Variants in COA8 observed in about 807,000 individuals in gnomAD.
COA8 encodes UPF0671 protein C14orf153.
A neutral mutation model predicts 22.0 loss-of-function variants in COA8; 20 were observed. The observed-to-expected ratio is 0.91, with a 90% CI of 0.64 to 1.32. The LOEUF is 1.32. Among genes scored for constraint, COA8 ranks in the 40% most tolerant of loss-of-function variants. The probability of loss-of-function intolerance (pLI) is 0.00; values close to 1 mark genes in which losing one functional copy is unlikely to be tolerated. For synonymous variants in COA8, 105 were observed against 79.9 expected (o/e 1.31, Z -1.68); for missense variants, 266 against 230.0 (o/e 1.16, Z -1.01).
intron 3 of COA8, 22 bp downstream of exon 3, chr14:103,574,192 T>A (rs1272896956): frequency 6.2e-7 from 1 of 1,610,548 alleles, no homozygotes. Flanking sequence ...TGTTTGATTG[T>A]TTTTTTTGCT....
chr14:103,564,111 C>T (rs533472389), intron 1 of COA8, among the ~76,000 whole-genome samples: 5 of 152,106 alleles, frequency 3.3e-5, no homozygotes, highest in African/African-American at 7.2e-5. Context: ...CGAGATCGCG[C>T]CACTGCACTC....
At chr14:103,575,578 GA>G (rs1483700611) in intron 3 of COA8, among the ~76,000 whole-genome samples, 1 of 152,232 alleles carries the variant, frequency 6.6e-6, no homozygotes, top group Admixed American at 6.5e-5. Flanking sequence ...AGAGCCAAGA[GA>G]AGGGGAGCTT....
rs550197521 is a variant in COA8, at chr14:103,576,758, C to T, written c.385+2588C>T. On this transcript the variant is annotated intron_variant, in intron 3 of 4. Transcript: ENST00000409074. The stretch of plus-strand genomic sequence containing the variant: ...AGGAGGCTGCCTTTCCTCAGGCTGG[C>T]TCCAGCCCGGTTGGGAGGTGCCCGG... Among the ~76,000 whole-genome samples the T allele has an allele frequency of 3.3e-5, 5 of 152,352 alleles. No homozygotes were observed. In the South Asian group the frequency reaches 1.0e-3, roughly 32 times the overall value.
chr14:103,563,969 A>G (rs559249011), intron 1 of COA8, among the ~76,000 whole-genome samples: 1 of 152,326 alleles, frequency 6.6e-6, no homozygotes, highest in South Asian at 2.1e-4. Context: ...CATCCTGCCC[A>G]ACATGGTGAA....
intron 3 of COA8, among the ~76,000 whole-genome samples, chr14:103,579,687 G>T (rs146744307): frequency 0.026 from 3,921 of 150,338 alleles, 121 homozygotes; most frequent in African/African-American, 0.07. Context: ...TAACGGCCGG[G>T]CACGGTGGCT....
chr14:103,580,958 G>A (rs568321562), intron 3 of COA8, among the ~76,000 whole-genome samples: 142 of 152,020 alleles, frequency 9.3e-4, no homozygotes, highest in African/African-American at 3.2e-3. Flanking sequence ...CACCACGCCC[G>A]GCTAATTTTT....
rs2076096180 is a variant in COA8, at chr14:103,562,979, C to T, written c.-23C>T. 2 of 1,526,124 alleles carry T rather than the reference C, an allele frequency of 1.3e-6. No individual in the cohort carries two copies. The highest frequency in any genetic ancestry group is 1.8e-6 in the Non-Finnish European group (2 of 1,142,462). The allele number at this position is 1,526,124 out of a possible 1,614,324, so 94.5% of individuals were successfully genotyped here. On this transcript the variant is annotated 5_prime_UTR_variant, in exon 1 of 5. Coordinates refer to ENST00000409074, the MANE Select transcript of COA8 (RefSeq NM_001370595.2). ...GCCGTCGCAATGCTGCCGTGCGCCG[C>T]GGGAGCCAGGGGGCGTGGGGCCATG...
chr14:103,563,034 T>C lies in COA8; in HGVS notation c.33T>C (p.Phe11=). The C allele has an allele frequency of 6.5e-7, 1 of 1,546,890 alleles. No homozygotes were observed. The highest frequency in any genetic ancestry group is 8.7e-7 in the Non-Finnish European group (1 of 1,152,162). MVVLRAGKKT[F]LPPLCRAFAC... is the part of the protein sequence containing the mutation. ...TCTTGCGGGCGGGGAAGAAGACCTT[T>C]CTCCCCCCTCTCTGCCGCGCCTTCG... Residue 11 remains phenylalanine, a synonymous_variant, in exon 1 of 5, where the codon TTT becomes TTC. Coordinates refer to ENST00000409074, the MANE Select transcript of COA8 (RefSeq NM_001370595.2).
At chr14:103,573,807 C>T (rs1349201523) in intron 2 of COA8, among the ~76,000 whole-genome samples, 6 of 152,198 alleles carry the variant, frequency 3.9e-5, no homozygotes, top group Non-Finnish European at 8.8e-5. Context: ...CCCACCTCGT[C>T]CTCCCAAAGT....
chr14:103,586,997 C>A (rs1221728496), intron 3 of COA8, among the ~76,000 whole-genome samples: 1 of 152,214 alleles, frequency 6.6e-6, no homozygotes, highest in South Asian at 2.1e-4. Flanking sequence ...ACCCACTGCA[C>A]CTAGCCTATT....
At chr14:103,573,699 C>T (rs183619922) in intron 2 of COA8, among the ~76,000 whole-genome samples, 1 of 152,142 alleles carries the variant, frequency 6.6e-6, no homozygotes, top group Admixed American at 6.6e-5. Context: ...ATTACAGGTG[C>T]CCACCATCAC....
chr14:103,582,692 C>G (rs2093631211), intron 3 of COA8, among the ~76,000 whole-genome samples: 1 of 150,458 alleles, frequency 6.6e-6, no homozygotes, highest in Non-Finnish European at 1.5e-5. Flanking sequence ...ATGAATTATG[C>G]TGTGACCTTT....
chr14:103,582,499 G>C lies in COA8; in HGVS notation c.386-4775G>C, dbSNP rs142885251. On this transcript the variant is annotated intron_variant, in intron 3 of 4. Transcript: ENST00000409074. ...CGCGGGGCTGGAGTAGTCAGGCCGG[G>C]ACCTGTCCCAGGAATGGGCAGGCTG... is the stretch of plus-strand genomic sequence containing the variant. Among the ~76,000 whole-genome samples, 530 of 152,292 alleles carry C rather than the reference G, an allele frequency of 3.5e-3. 4 individuals are homozygous for C. Among genetic ancestry groups the C allele is most frequent in the African/African-American group, 0.012 (505 of 41,560 alleles).
intron 3 of COA8, among the ~76,000 whole-genome samples, chr14:103,577,362 C>T (rs1281542682): frequency 6.6e-6 from 1 of 151,240 alleles, no homozygotes; most frequent in African/African-American, 2.4e-5. Flanking sequence ...AGGCATGAGC[C>T]ACCGCGCCCA....
chr14:103,576,946 A>G (rs1468793474), intron 3 of COA8, among the ~76,000 whole-genome samples: 1 of 152,236 alleles, frequency 6.6e-6, no homozygotes, highest in Non-Finnish European at 1.5e-5. Flanking sequence ...TGCTGGCAGC[A>G]AAACAACATG....
At chr14:103,568,552 C>T in intron 1 of COA8, among the ~76,000 whole-genome samples, 1 of 147,418 alleles carries the variant, frequency 6.8e-6, no homozygotes, top group South Asian at 2.2e-4. Flanking sequence ...CACATGTACA[C>T]ATATACACAC....
At chr14:103,571,918 G>A (rs544466658) in intron 2 of COA8, 98 bp downstream of exon 2, 3 of 1,017,424 alleles carry the variant, frequency 2.9e-6, no homozygotes, top group Non-Finnish European at 4.3e-6. Flanking sequence ...ACGAGGTCAG[G>A]AGATCGAGAC....
At chr14:103,568,431 G>GTATA (rs563340956) in intron 1 of COA8, among the ~76,000 whole-genome samples, 83 of 148,934 alleles carry the variant, frequency 5.6e-4, no homozygotes, top group African/African-American at 1.9e-3. Context: ...AAGGAGATAT[G>GTATA]TATATATATA....
In COA8 at chr14:103,587,823, T is replaced by C. The variant is rs1392239352; in HGVS notation, c.476+459T>C. Among the ~76,000 whole-genome samples the C allele has an allele frequency of 3.6e-4, 54 of 152,084 alleles. 1 individual carries two copies. Among genetic ancestry groups the C allele is most frequent in the Non-Finnish European group, 2.9e-5 (2 of 67,990 alleles). The stretch of plus-strand genomic sequence containing the variant: ...CGCCTCGTCTATCAACTTTATTTTT[T>C]AAGTGACTGCAGTGGCTTAAAAAGA... On this transcript the variant is annotated intron_variant, in intron 4 of 4. Transcript: ENST00000409074.
Sources: gnomAD v4.1 joint callset for allele counts (sites outside exome capture counted in the v4.1 genomes callset) on GRCh38, gnomAD v4.1.1 for gene constraint, MANE v1.5 for transcripts, NCBI Gene and HGNC (gene_info 2026-07-23, HGNC 2026-07-21) for gene names.